The following CUX1 variants were observed in gnomAD, a reference collection of about 807,000 sequenced individuals.
CUX1 encodes cut like homeobox 1, also known as protein CASP.
In CUX1, 31 loss-of-function variants were observed where a neutral mutation model predicts 158.8. That is an observed-to-expected ratio of 0.20 (90% CI 0.15 to 0.26). The LOEUF (loss-of-function observed/expected upper bound fraction) is 0.26. Among genes scored for constraint, CUX1 ranks in the 10% least tolerant of loss-of-function variants. The pLI, the probability that CUX1 is intolerant of heterozygous loss-of-function variation, is 1.00. For missense variants in CUX1, 1,589 were observed against 2,014.6 expected (o/e 0.79, Z 4.04); for synonymous variants, 879 against 862.1 (o/e 1.02, Z -0.34).
chr7:102,220,541 G>C (rs1166232648), intron 20 of CUX1, among the ~76,000 whole-genome samples: 1 of 152,182 alleles, frequency 6.6e-6, no homozygotes, highest in Non-Finnish European at 1.5e-5. Context: ...AAGTATCCAG[G>C]CTGGTGGCCA....
In CUX1 at chr7:102,092,838, G is replaced by A. The variant is rs181697311; in HGVS notation, c.269-4526G>A. On this transcript the variant is annotated intron_variant, in intron 4 of 23. Coordinates refer to ENST00000292535, the MANE Select transcript of CUX1 (RefSeq NM_181552.4). Reference sequence around the variant, plus strand: ...TGAGGCAGGAGAATTGCTTGAACACGGGAGGCAGAGGATGTAGTGAGCCAA... The same window carrying A: ...TGAGGCAGGAGAATTGCTTGAACACAGGAGGCAGAGGATGTAGTGAGCCAA... 8.0e-3 allele frequency among the ~76,000 whole-genome samples: 1,192 copies of A among 149,288 alleles called. 6 individuals carry two copies. Among genetic ancestry groups the A allele is most frequent in the Non-Finnish European group, 0.012 (819 of 67,724 alleles).
chr7:102,023,433 G>A (rs1009047307), intron 2 of CUX1, among the ~76,000 whole-genome samples: 1 of 152,188 alleles, frequency 6.6e-6, no homozygotes, highest in Admixed American at 6.6e-5. Flanking sequence ...ATCGTATCAT[G>A]TCCTTGCTAA....
intron 20 of CUX1, among the ~76,000 whole-genome samples, chr7:102,207,562 C>T (rs1554522038): frequency 6.6e-6 from 1 of 152,026 alleles, no homozygotes. Context: ...AGTGATTCTC[C>T]TGCCTCAGCC....
intron 1 of CUX1, among the ~76,000 whole-genome samples, chr7:101,852,702 G>T: frequency 1.1e-5 from 1 of 92,620 alleles, no homozygotes; most frequent in African/African-American, 4.0e-5. Context: ...TTGAGATGAG[G>T]TTTCACTCTT....
rs568201327 is a variant in CUX1 at position 101,904,104 on chromosome 7, C to T, written c.31-12011C>T. 6.3e-4 allele frequency among the ~76,000 whole-genome samples: 89 copies of T among 142,368 alleles called. 1 individual carries two copies. The highest frequency in any genetic ancestry group is 8.1e-4 in the Non-Finnish European group (54 of 66,340). 93.4% of individuals were successfully genotyped at this position (142,368 alleles called of 152,430 possible). A position where few individuals can be genotyped will look rare whatever the true frequency, so the allele number is the denominator to read the frequency against. ...GAGCTCAGGAGTAACATGGCAAAAC[C>T]GTGTCTTTACAAAACACACACACAC... On this transcript the variant is annotated intron_variant, in intron 1 of 23. Coordinates refer to ENST00000292535, the MANE Select transcript of CUX1 (RefSeq NM_181552.4).
Position 102,249,274 on chromosome 7 carries a change from T to A in CUX1, c.*232T>A, listed in dbSNP as rs1295686579. 1.7e-5 allele frequency: 18 copies of A among 1,047,210 alleles called. No individual in the cohort carries two copies. Among genetic ancestry groups the A allele is most frequent in the Non-Finnish European group, 2.1e-5 (18 of 869,528 alleles). 64.9% of individuals were successfully genotyped at this position (1,047,210 alleles called of 1,614,324 possible). A position where few individuals can be genotyped will look rare whatever the true frequency, so the allele number is the denominator to read the frequency against. ...CCCACTCTGCGGCCCGGGCCGACCC[T>A]GCGGCCTCCACCAACCCCGCGGCCC... On this transcript the variant is annotated 3_prime_UTR_variant, in exon 24 of 24. Transcript: ENST00000292535.
chr7:102,229,611 CTTTT>C (rs781991747), intron 21 of CUX1, among the ~76,000 whole-genome samples: 17 of 70,022 alleles, frequency 2.4e-4, no homozygotes, highest in African/African-American at 1.1e-3. Flanking sequence ...CGTGTCTGGC[CTTTT>C]TTTTTTTTTT....
intron 1 of CUX1, among the ~76,000 whole-genome samples, chr7:101,895,866 C>T (rs1190110570): frequency 6.8e-6 from 1 of 147,992 alleles, no homozygotes; most frequent in Non-Finnish European, 1.5e-5. Context: ...ATTTGGGGGC[C>T]ACGTTTCCTT....
chr7:102,105,804 C>T (rs182158365), intron 6 of CUX1, among the ~76,000 whole-genome samples: 34 of 152,030 alleles, frequency 2.2e-4, no homozygotes, highest in African/African-American at 7.2e-4. Flanking sequence ...TGAGCCACCA[C>T]GGCTGGCCTA....
intron 4 of CUX1, among the ~76,000 whole-genome samples, chr7:102,091,206 T>C (rs1315046476): frequency 6.6e-6 from 1 of 152,184 alleles, no homozygotes; most frequent in Non-Finnish European, 1.5e-5. Context: ...TGCAACAACT[T>C]AGAGTATGTG....
Position 101,881,146 on chromosome 7 carries a change from A to G in CUX1, c.31-34969A>G, listed in dbSNP as rs1011075894. Among the ~76,000 whole-genome samples, 5 of 152,274 alleles carry G rather than the reference A, an allele frequency of 3.3e-5. No homozygotes were observed. In the South Asian group the frequency reaches 6.2e-4, roughly 19 times the overall value. On this transcript the variant is annotated intron_variant, in intron 1 of 23. Transcript: ENST00000292535. ...AAAAAAGGCAGCTTAAGATTTATCT[A>G]AAAAGGAAGTGGAAAGTTAAAGTTG...
Position 102,280,114 on chromosome 7 carries a change from C to T in CUX1, c.1758C>T (p.Ser586=). 2.5e-6 allele frequency: 4 copies of T among 1,607,390 alleles called. No individual in the cohort carries two copies. The South Asian group carries it at 3.3e-5, about 13-fold the overall frequency. The stretch of plus-strand genomic sequence containing the variant: ...GCCTGGACCCCTTCTCCTCCTTCAG[C>T]AAGCGGGTTCGTGAGCCCAGCCTGG... The change falls in exon 19 of 23, where the codon AGC becomes AGT. Residue 586 remains serine (S), a synonymous_variant. Transcript: ENST00000292538.
chr7:102,126,356 G>C (rs908347525), intron 8 of CUX1, among the ~76,000 whole-genome samples: 1 of 152,044 alleles, frequency 6.6e-6, no homozygotes, highest in Non-Finnish European at 1.5e-5. Context: ...TTATTTTTAA[G>C]TACAAAAGCC....
intron 20 of CUX1, among the ~76,000 whole-genome samples, chr7:102,222,811 C>CTTTTTTTTTTTCTTTTTTTTTTTTT (rs1797943843): frequency 3.9e-5 from 1 of 25,510 alleles, no homozygotes; most frequent in Non-Finnish European, 6.3e-5. Context: ...GGCACCGTAT[C>CTTTTTTTTTTTCTTTTTTTTTTTTT]TTTTTTTTTT....
intron 18 of CUX1, among the ~76,000 whole-genome samples, chr7:102,203,978 C>A (rs1368755390): frequency 6.6e-6 from 1 of 152,234 alleles, no homozygotes; most frequent in Non-Finnish European, 1.5e-5. Flanking sequence ...CCGGCACCCA[C>A]TGCCCCACCT....
At chr7:101,881,747 G>T (rs1417362868) in intron 1 of CUX1, among the ~76,000 whole-genome samples, 1 of 152,206 alleles carries the variant, frequency 6.6e-6, no homozygotes, top group Admixed American at 6.5e-5. Flanking sequence ...AAAGGGGACT[G>T]ATGACTTTCT....
chr7:102,201,926 G>A lies in CUX1; in HGVS notation c.2629G>A (p.Glu877Lys). ...RSQLQGPSSSEYWKEWPSAES... is the reference protein window; with the variant it reads ...RSQLQGPSSSKYWKEWPSAES... ...TCAGCTCCAGGGACCCTCGTCGTCAGAGTACTGGAAGGAGTGGCCCAGCGC... is the reference window on the plus strand; with the variant it reads ...TCAGCTCCAGGGACCCTCGTCGTCAAAGTACTGGAAGGAGTGGCCCAGCGC... The change falls in exon 18 of 24, where the codon GAG becomes AAG. Residue 877 changes from glutamate (E) to lysine (K), a missense_variant. Coordinates refer to ENST00000292535, the MANE Select transcript of CUX1 (RefSeq NM_181552.4). The surrounding 1 kb of genome is among the most constrained non-coding windows in gnomAD (Gnocchi z 5.0). The A allele has an allele frequency of 6.2e-7, 1 of 1,614,124 alleles. No individual in the cohort carries two copies. Among genetic ancestry groups the A allele is most frequent in the Non-Finnish European group, 8.5e-7 (1 of 1,180,038 alleles).
intron 1 of CUX1, among the ~76,000 whole-genome samples, chr7:101,835,856 C>T (rs913582834): frequency 4.6e-5 from 7 of 152,218 alleles, no homozygotes; most frequent in African/African-American, 7.2e-5. Context: ...CTGCCTCAGC[C>T]TCCTGAGTAG....
intron 3 of CUX1, among the ~76,000 whole-genome samples, chr7:102,047,548 G>A (rs1563173568): frequency 6.7e-6 from 1 of 149,014 alleles, no homozygotes; most frequent in Non-Finnish European, 1.5e-5. Context: ...TAACTGGATA[G>A]AGGGATGGAT....
Sources: allele counts gnomAD v4.1 joint callset (sites outside exome capture counted in the v4.1 genomes callset), GRCh38; gene constraint gnomAD v4.1.1; non-coding constraint Gnocchi (gnomAD v3.1); transcripts MANE v1.5; gene names NCBI Gene and HGNC (gene_info 2026-07-23, HGNC 2026-07-21).